Variants in PRKCZ observed in about 807,000 individuals in gnomAD.
PRKCZ encodes protein kinase C zeta type.
Under a neutral mutation model 79.5 loss-of-function variants are expected in PRKCZ, and 33 were observed. That is an observed-to-expected ratio of 0.41 (90% CI 0.31 to 0.55). PRKCZ has a LOEUF of 0.55. PRKCZ is among the 20% of genes least tolerant of loss of function. PRKCZ has a pLI of 0.19. For synonymous variants in PRKCZ, 342 were observed against 320.9 expected (o/e 1.07, Z -0.70); for missense variants, 578 against 813.5 (o/e 0.71, Z 3.52).
intron 9 of PRKCZ, among the ~76,000 whole-genome samples, chr1:2,152,139 C>A (rs1166822527): frequency 6.6e-6 from 1 of 152,226 alleles, no homozygotes; most frequent in Non-Finnish European, 1.5e-5. Context: ...GCATGAGTCA[C>A]TATGCCTGGC....
intron 4 of PRKCZ, among the ~76,000 whole-genome samples, chr1:2,121,727 G>T (rs80159245): frequency 5.3e-4 from 16 of 29,974 alleles, no homozygotes; most frequent in African/African-American, 2.2e-3. Context: ...GGGTCACGGC[G>T]GTACTTAGGG....
intron 4 of PRKCZ, among the ~76,000 whole-genome samples, chr1:2,119,213 CTTTTTTTT>C (rs201938015): frequency 7.9e-6 from 1 of 126,436 alleles, no homozygotes; most frequent in Non-Finnish European, 1.6e-5. Flanking sequence ...TTATTTTTTC[CTTTTTTTT>C]TTTTTTTTTT....
chr1:2,052,897 C>T (rs147953696), intron 1 of PRKCZ, among the ~76,000 whole-genome samples: 133 of 152,276 alleles, frequency 8.7e-4, no homozygotes, highest in Non-Finnish European at 1.3e-3. Flanking sequence ...GCATGGCCAC[C>T]CCGTCATCCT....
chr1:2,147,804 A>G (rs539681732), intron 7 of PRKCZ, among the ~76,000 whole-genome samples: 48 of 146,878 alleles, frequency 3.3e-4, no homozygotes, highest in African/African-American at 1.2e-3. Context: ...CTCTCCATCT[A>G]TCCATCCATC....
intron 1 of PRKCZ, among the ~76,000 whole-genome samples, chr1:2,053,789 C>T (rs886538355): frequency 1.1e-4 from 17 of 152,294 alleles, no homozygotes; most frequent in African/African-American, 3.4e-4. Context: ...AGGCAGCAGG[C>T]GTGGATGTCA....
chr1:2,090,368 G>C (rs937968394), intron 4 of PRKCZ, among the ~76,000 whole-genome samples: 1 of 152,080 alleles, frequency 6.6e-6, no homozygotes, highest in African/African-American at 2.4e-5. Flanking sequence ...TTTTGTAGCC[G>C]TCAGGGAGCA....
At chr1:2,099,874 C>T (rs940679892) in intron 4 of PRKCZ, among the ~76,000 whole-genome samples, 6 of 152,322 alleles carry the variant, frequency 3.9e-5, no homozygotes, top group Admixed American at 3.3e-4. Flanking sequence ...CCTTGAAATA[C>T]GTTTTTTAAA....
intron 4 of PRKCZ, among the ~76,000 whole-genome samples, chr1:2,077,309 T>C (rs1335617045): frequency 6.6e-6 from 1 of 152,236 alleles, no homozygotes; most frequent in African/African-American, 2.4e-5. Context: ...ACGTCTCTTC[T>C]GTGGGAAGTT....
intron 3 of PRKCZ, among the ~76,000 whole-genome samples, chr1:2,058,453 G>A (rs962163130): frequency 6.6e-6 from 1 of 152,112 alleles, no homozygotes; most frequent in African/African-American, 2.4e-5. Flanking sequence ...ACTCTAGCCT[G>A]AGTGATGGGG....
intron 4 of PRKCZ, among the ~76,000 whole-genome samples, chr1:2,131,705 C>T (rs1408526325): frequency 6.6e-6 from 1 of 152,222 alleles, no homozygotes; most frequent in African/African-American, 2.4e-5. Context: ...CAGGCTGTCC[C>T]CCGCCGCTGC....
intron 4 of PRKCZ, among the ~76,000 whole-genome samples, chr1:2,102,529 T>C (rs1571381834): frequency 6.6e-6 from 1 of 151,992 alleles, no homozygotes; most frequent in East Asian, 2.0e-4. Flanking sequence ...AGATGGGGTT[T>C]CACTGTGTTA....
intron 10 of PRKCZ, among the ~76,000 whole-genome samples, chr1:2,161,997 G>T (rs998462541): frequency 2.6e-5 from 4 of 152,018 alleles, no homozygotes; most frequent in Admixed American, 6.6e-5. Context: ...ACCTTCGTCC[G>T]CACTCCAAAG....
At chr1:2,148,309 A>T (rs915266117) in intron 7 of PRKCZ, among the ~76,000 whole-genome samples, 4 of 148,090 alleles carry the variant, frequency 2.7e-5, no homozygotes, top group Admixed American at 6.7e-5. Context: ...CTATCCATCC[A>T]TCTATTGTCC....
intron 4 of PRKCZ, among the ~76,000 whole-genome samples, chr1:2,131,694 G>C (rs1674984418): frequency 6.6e-6 from 1 of 152,206 alleles, no homozygotes; most frequent in Non-Finnish European, 1.5e-5. Context: ...CCACCCAACT[G>C]CAGGCTGTCC....
At chr1:2,105,627 T>C (rs1269609608) in intron 4 of PRKCZ, among the ~76,000 whole-genome samples, 1 of 152,208 alleles carries the variant, frequency 6.6e-6, no homozygotes, top group Non-Finnish European at 1.5e-5. Flanking sequence ...CTCAAACTCC[T>C]GACCTCAAGT....
chr1:2,172,279 C>G lies in PRKCZ; in HGVS notation c.1198-22C>G. The G allele has an allele frequency of 1.2e-6, 2 of 1,613,568 alleles. No individual in the cohort carries two copies. Among genetic ancestry groups the G allele is most frequent in the Non-Finnish European group, 1.7e-6 (2 of 1,180,012 alleles). ...GGGGTAGTGTCTACAAGAACCCTCT[C>G]CCAGTAACTTTGCCCCCACAGGAAG... On this transcript the variant is annotated intron_variant, in intron 12 of 17. Coordinates refer to ENST00000378567, the MANE Select transcript of PRKCZ (RefSeq NM_002744.6). This position sits in a 1 kb window ranked among gnomAD's most constrained non-coding sequence, Gnocchi z 7.8.
chr1:2,092,779 A>C (rs978929665), intron 4 of PRKCZ, among the ~76,000 whole-genome samples: 1 of 152,170 alleles, frequency 6.6e-6, no homozygotes, highest in African/African-American at 2.4e-5. Context: ...CACTGTGAGC[A>C]GGGAGGGCCC....
In PRKCZ at chr1:2,174,906, T is replaced by C; in HGVS notation, c.1485+73T>C. The C allele has an allele frequency of 4.7e-6, 7 of 1,485,872 alleles. No individual in the cohort carries two copies. The Admixed American group carries it at 5.1e-5, about 11-fold the overall frequency. The allele number at this position is 1,485,872 out of a possible 1,614,324, so 92.0% of individuals were successfully genotyped here. A position where few individuals can be genotyped will look rare whatever the true frequency, so the allele number is the denominator to read the frequency against. ...TGGTGGGCAGAGGGCCAGGCACGGC[T>C]GTTGGCCATTTTTTCATGTCGGCTG... On this transcript the variant is annotated intron_variant, in intron 15 of 17. Coordinates refer to ENST00000378567, the MANE Select transcript of PRKCZ (RefSeq NM_002744.6). The surrounding 1 kb of genome is among the most constrained non-coding windows in gnomAD (Gnocchi z 6.2).
rs1668514353 is a variant in PRKCZ, at chr1:2,106,584, C to CGGTGGGCG, written c.335-28678_335-28677insGGTGGGCG. On this transcript the variant is annotated intron_variant, in intron 4 of 17. Coordinates refer to ENST00000378567, the MANE Select transcript of PRKCZ (RefSeq NM_002744.6). The stretch of plus-strand genomic sequence containing the variant: ...CCAGGTAACTCTCAGCAAGCCCCTC[C>CGGTGGGCG]AGTGGGCGAGGACCTCCACACGTGT... Among the ~76,000 whole-genome samples, 5 of 24,022 alleles carry CGGTGGGCG rather than the reference C, an allele frequency of 2.1e-4. No homozygotes were observed. In the East Asian group the frequency reaches 3.4e-3, roughly 16 times the overall value. 15.8% of individuals were successfully genotyped at this position (24,022 alleles called of 152,430 possible).
Sources: gnomAD v4.1 joint callset for allele counts (sites outside exome capture counted in the v4.1 genomes callset) on GRCh38, gnomAD v4.1.1 for gene constraint, Gnocchi (gnomAD v3.1) non-coding constraint, MANE v1.5 for transcripts, NCBI Gene and HGNC (gene_info 2026-07-23, HGNC 2026-07-21) for gene names.